Variants in PBRM1 observed in about 807,000 individuals in gnomAD.
PBRM1 encodes the protein protein polybromo-1.
Under a neutral mutation model 194.5 loss-of-function variants are expected in PBRM1, and 27 were observed. That is an observed-to-expected ratio of 0.14 (90% confidence interval 0.10 to 0.19). PBRM1 has a LOEUF of 0.19. Ranked by LOEUF, PBRM1 falls within the 10% of genes least tolerant of loss-of-function variation. The pLI is 1.00. For synonymous variants in PBRM1, 655 were observed against 693.2 expected, an observed-to-expected ratio of 0.94 and a Z score of 0.87; for missense variants, 1,466 against 2,077.2, an observed-to-expected ratio of 0.71 and a Z score of 5.72.
At chr3:52,656,651 C>T (rs1373062575) in intron 5 of PBRM1, among the ~76,000 whole-genome samples, 1 of 152,040 alleles carries the variant, frequency 6.6e-6, no homozygotes, top group South Asian at 2.1e-4. Context: ...GGTGACAGAA[C>T]GAGACTCCGT....
intron 4 of PBRM1, 79 bp from the exon 6 acceptor site, chr3:52,658,394 G>T: frequency 1.4e-6 from 1 of 733,074 alleles, no homozygotes; most frequent in Non-Finnish European, 2.3e-6. Context: ...AAATTGTAGA[G>T]CTAATTCAAA....
intron 20 of PBRM1, among the ~76,000 whole-genome samples, chr3:52,584,563 C>T (rs1230839060): frequency 7.1e-6 from 1 of 141,602 alleles, no homozygotes; most frequent in Non-Finnish European, 1.5e-5. Context: ...TCATGGGATA[C>T]CCCCATCTCA....
At chr3:52,589,212 T>A (rs2153808124) in exon 18 of PBRM1, 2 of 1,576,656 alleles carry the variant, frequency 1.3e-6, no homozygotes, top group South Asian at 1.2e-5. Flanking sequence ...GATGTAAGCC[T>A]GAGAGGCCTG....
chr3:52,650,630 A>G (rs370382427), intron 6 of PBRM1, among the ~76,000 whole-genome samples: 129 of 152,224 alleles, frequency 8.5e-4, no homozygotes, highest in African/African-American at 3.0e-3. Flanking sequence ...TATCCTGGGA[A>G]GATCAGTAAC....
chr3:52,655,582 C>G (rs1297696502), intron 5 of PBRM1, among the ~76,000 whole-genome samples: 1 of 152,100 alleles, frequency 6.6e-6, no homozygotes, highest in Non-Finnish European at 1.5e-5. Flanking sequence ...GAGTATATAT[C>G]TAAAGTGGAA....
chr3:52,667,484 C>T (rs546388565), intron 3 of PBRM1, among the ~76,000 whole-genome samples: 35 of 152,088 alleles, frequency 2.3e-4, no homozygotes, highest in Admixed American at 3.9e-4. Context: ...CAGGCATGGT[C>T]GCTCACGCCT....
intron 13 of PBRM1, among the ~76,000 whole-genome samples, chr3:52,626,169 G>C (rs2095441291): frequency 6.6e-6 from 1 of 152,116 alleles, no homozygotes; most frequent in Non-Finnish European, 1.5e-5. Flanking sequence ...TTCTTGATTT[G>C]ATGTCTTTGA....
At position 52,581,402 on chromosome 3, in the gene PBRM1, T is replaced by TCA. The variant is rs1424389805; in HGVS notation, c.3388-2204_3388-2203insTG. The stretch of plus-strand genomic sequence containing the variant: ...GTGCGCGCCTGTAGTCCCAGGAACT[T>TCA]GGGAAACTGAGACACAAGAATTGCT... On this transcript the variant is annotated intron_variant, in intron 20 of 29. Transcript: ENST00000296302. Among the ~76,000 whole-genome samples, 10 of 150,704 alleles carry TCA rather than the reference T, an allele frequency of 6.6e-5. No homozygotes were observed. The East Asian group carries it at 2.0e-3, about 30-fold the overall frequency.
Position 52,556,111 on chromosome 3 carries a change from GAT to G in PBRM1, c.4454-1234_4454-1233del, listed in dbSNP as rs531141834. Among the ~76,000 whole-genome samples, 6 of 152,200 alleles carry G rather than the reference GAT, an allele frequency of 3.9e-5. No homozygotes were observed. The South Asian group carries it at 1.0e-3, about 26-fold the overall frequency. On this transcript the variant is annotated intron_variant, in intron 26 of 29. Transcript: ENST00000296302. ...CTCTGTCAAATAGTGGAAAACTTCAGATTCTGAGAATTTTACTCTTGGACTTT... is the reference window on the plus strand; with the variant it reads ...CTCTGTCAAATAGTGGAAAACTTCAGTCTGAGAATTTTACTCTTGGACTTT...
At chr3:52,553,663 C>CTT (rs71084188) in intron 27 of PBRM1, among the ~76,000 whole-genome samples, 3,087 of 119,394 alleles carry the variant, frequency 0.026, 85 homozygotes, top group Non-Finnish European at 0.04. Flanking sequence ...CTAATTTTTC[C>CTT]TTTTTTTTTT....
At chr3:52,627,202 T>A (rs907174046) in intron 13 of PBRM1, 71 bp downstream of exon 14, 7 of 782,038 alleles carry the variant, frequency 9.0e-6, no homozygotes, top group Non-Finnish European at 1.5e-5. Context: ...AAAAAATATA[T>A]ATTTTCTTCA....
intron 10 of PBRM1, among the ~76,000 whole-genome samples, chr3:52,640,651 C>T (rs11130310): frequency 0.46 from 68,849 of 150,342 alleles, 15,996 homozygotes; most frequent in African/African-American, 0.52. Flanking sequence ...ACCTCTTTTT[C>T]TTCCCCCCAA....
intron 13 of PBRM1, among the ~76,000 whole-genome samples, chr3:52,619,803 A>T (rs1404832027): frequency 6.6e-6 from 1 of 152,220 alleles, no homozygotes; most frequent in Admixed American, 6.5e-5. Context: ...GAAAATAAAC[A>T]TCTATCCTTA....
intron 8 of PBRM1, among the ~76,000 whole-genome samples, chr3:52,643,700 A>C (rs943109495): frequency 6.6e-6 from 1 of 152,148 alleles, no homozygotes; most frequent in East Asian, 1.9e-4. Context: ...GGCCGGGCGC[A>C]GTGGCTCACG....
chr3:52,676,114 CAAA>C (rs1019237005), intron 2 of PBRM1, among the ~76,000 whole-genome samples: 2 of 5,116 alleles, frequency 3.9e-4, no homozygotes, highest in South Asian at 0.018. Flanking sequence ...GACTCCGTCT[CAAA>C]AAAAAAAAAA....
chr3:52,558,856 T>A (rs1333367502), intron 25 of PBRM1, among the ~76,000 whole-genome samples: 1 of 152,218 alleles, frequency 6.6e-6, no homozygotes, highest in Non-Finnish European at 1.5e-5. Flanking sequence ...CTATATATAT[T>A]TCCTGATTCT....
Position 52,648,591 on chromosome 3 carries a change from TTC to T in PBRM1, c.715-151_715-150del, listed in dbSNP as rs2096395430. 4 of 438,642 alleles carry T rather than the reference TTC, an allele frequency of 9.1e-6. No homozygotes were observed. In the South Asian group the frequency reaches 2.7e-4, roughly 30 times the overall value. The allele number at this position is 438,642 out of a possible 1,614,324, so 27.2% of individuals were successfully genotyped here. Reference sequence around the variant, plus strand: ...CATATGAACAACATGTAAAGTCATTTTCTTTTTTATAAATTATTACTGTACCC... The same window carrying T: ...CATATGAACAACATGTAAAGTCATTTTTTTTTATAAATTATTACTGTACCC... On this transcript the variant is annotated intron_variant, in intron 6 of 29. Transcript: ENST00000296302.
At chr3:52,552,081 C>T (rs554455572) in intron 27 of PBRM1, 1 of 152,328 alleles carries the variant, frequency 6.6e-6, no homozygotes, top group South Asian at 2.1e-4. Context: ...CCACCCGGAT[C>T]ACCAAAGTAG....
intron 7 of PBRM1, among the ~76,000 whole-genome samples, chr3:52,647,477 T>C (rs1196011066): frequency 8.8e-6 from 1 of 113,424 alleles, no homozygotes; most frequent in South Asian, 2.7e-4. Context: ...TATATATATA[T>C]ATATATATAT....
Sources: allele counts gnomAD v4.1 joint callset (sites outside exome capture counted in the v4.1 genomes callset), GRCh38; gene constraint gnomAD v4.1.1; transcripts MANE v1.5; gene names NCBI Gene and HGNC (gene_info 2026-07-23, HGNC 2026-07-21).